PTH2R: variants seen among roughly 807,000 people sequenced by gnomAD.
The protein encoded by PTH2R is PTH2 receptor.
In PTH2R, 59 loss-of-function variants were observed where a neutral mutation model predicts 60.3. The observed-to-expected ratio is 0.98, with a 90% CI of 0.79 to 1.22. The LOEUF is 1.22. Among genes scored for constraint, PTH2R ranks in the 50% most tolerant of loss-of-function variants. The probability of loss-of-function intolerance (pLI) is 0.00; values close to 1 mark genes in which losing one functional copy is unlikely to be tolerated. For missense variants in PTH2R, 749 were observed against 682.6 expected (o/e 1.10, Z -1.08); for synonymous variants, 256 against 243.8 (o/e 1.05, Z -0.47).
chr2:208,371,575 T>C (rs1228589655), intron 1 of PTH2R, among the ~76,000 whole-genome samples: 1 of 152,140 alleles, frequency 6.6e-6, no homozygotes, highest in African/African-American at 2.4e-5. Flanking sequence ...AGATCTAAGT[T>C]GACAGATGAA....
chr2:208,426,069 G>A (rs1039065445), intron 1 of PTH2R, among the ~76,000 whole-genome samples: 2 of 152,084 alleles, frequency 1.3e-5, no homozygotes, highest in Non-Finnish European at 2.9e-5. Context: ...GCTAACTTAT[G>A]GATTTATGGT....
At chr2:208,384,050 A>G (rs556383209) in intron 1 of PTH2R, among the ~76,000 whole-genome samples, 1 of 152,358 alleles carries the variant, frequency 6.6e-6, no homozygotes, top group Admixed American at 6.5e-5. Context: ...CCTAATATTT[A>G]ACTTGGAAGA....
chr2:208,466,680 T>C (rs1702760628), intron 9 of PTH2R: 1 of 152,230 alleles, frequency 6.6e-6, no homozygotes, highest in Non-Finnish European at 1.5e-5. Context: ...GAAACGTCTA[T>C]TCAGCTCCTT....
At chr2:208,449,911 A>G (rs780595378) in intron 7 of PTH2R, among the ~76,000 whole-genome samples, 55 of 152,146 alleles carry the variant, frequency 3.6e-4, no homozygotes, top group Non-Finnish European at 7.2e-4. Context: ...TGGTTTCTGT[A>G]TATCCTTTAT....
intron 1 of PTH2R, among the ~76,000 whole-genome samples, chr2:208,373,757 T>G (rs1454458705): frequency 6.6e-6 from 1 of 152,116 alleles, no homozygotes; most frequent in Non-Finnish European, 1.5e-5. Context: ...CTAAGGGAGC[T>G]CAATCCCAAA....
intron 1 of PTH2R, among the ~76,000 whole-genome samples, chr2:208,410,906 T>G (rs560448169): frequency 6.6e-6 from 1 of 152,198 alleles, no homozygotes; most frequent in African/African-American, 2.4e-5. Context: ...AATTACAAAT[T>G]GTGGTGATAA....
Position 208,442,431 on chromosome 2 carries a change from CT to C in PTH2R, c.480del (p.Val161TrpfsTer29). 1 of 1,612,478 alleles carries C rather than the reference CT, an allele frequency of 6.2e-7. No homozygotes were observed. Among genetic ancestry groups the C allele is most frequent in the Non-Finnish European group, 8.5e-7 (1 of 1,178,552 alleles). On this transcript the variant is annotated frameshift_variant, in exon 5 of 13. Transcript: ENST00000272847. LOFTEE classifies it high-confidence loss of function. ...VGYSISFGSL[A>X]VAILIIGYFR... ...TACTCCATCTCTTTTGGTTCCTTGG[CT>C]GTGGCTATTCTCATCATTGGTTACT...
chr2:208,370,258 A>C (rs977089226), intron 1 of PTH2R, among the ~76,000 whole-genome samples: 1 of 151,994 alleles, frequency 6.6e-6, no homozygotes, highest in East Asian at 1.9e-4. Flanking sequence ...CCTAGCTAAC[A>C]TGGTGAAACC....
intron 2 of PTH2R, among the ~76,000 whole-genome samples, chr2:208,436,578 G>C (rs1009498022): frequency 2.0e-5 from 3 of 152,106 alleles, no homozygotes; most frequent in Non-Finnish European, 4.4e-5. Flanking sequence ...GGTGCCCCAC[G>C]GTTCGGGAAA....
At chr2:208,482,664 A>G (rs1355580103) in intron 10 of PTH2R, among the ~76,000 whole-genome samples, 1 of 152,212 alleles carries the variant, frequency 6.6e-6, no homozygotes, top group African/African-American at 2.4e-5. Context: ...CAAACAATCC[A>G]CAGAAAGAGG....
chr2:208,365,962 T>TATA (rs1559198853), intron 1 of PTH2R, among the ~76,000 whole-genome samples: 10 of 12,500 alleles, frequency 8.0e-4, no homozygotes, highest in Non-Finnish European at 1.2e-3. Flanking sequence ...ATATATATAT[T>TATA]TTTTTTTTTT....
intron 9 of PTH2R, among the ~76,000 whole-genome samples, chr2:208,468,845 C>T (rs1407954546): frequency 1.3e-5 from 2 of 152,024 alleles, no homozygotes; most frequent in Non-Finnish European, 2.9e-5. Context: ...TTTTTCTAAA[C>T]TTATGATACC....
chr2:208,488,439 T>C (rs1703322540), intron 10 of PTH2R, among the ~76,000 whole-genome samples: 1 of 152,244 alleles, frequency 6.6e-6, no homozygotes, highest in South Asian at 2.1e-4. Context: ...AACACTTCTT[T>C]AAGTCTCAAA....
chr2:208,419,517 G>C (rs1005288813), intron 1 of PTH2R, among the ~76,000 whole-genome samples: 2 of 152,150 alleles, frequency 1.3e-5, no homozygotes, highest in African/African-American at 2.4e-5. Flanking sequence ...TGCAGAAGCT[G>C]TTTAGTTTAA....
intron 4 of PTH2R, among the ~76,000 whole-genome samples, chr2:208,441,245 C>T (rs1403128964): frequency 1.3e-5 from 2 of 152,080 alleles, no homozygotes; most frequent in Non-Finnish European, 2.9e-5. Flanking sequence ...TTAAAGGATA[C>T]AAATAAACAG....
chr2:208,415,098 C>T (rs145383821), intron 1 of PTH2R, among the ~76,000 whole-genome samples: 53 of 152,200 alleles, frequency 3.5e-4, no homozygotes, highest in African/African-American at 1.2e-3. Context: ...CTAAGAAAAT[C>T]TGAATAAAGT....
intron 1 of PTH2R, among the ~76,000 whole-genome samples, chr2:208,375,524 G>C (rs1299571460): frequency 6.6e-6 from 1 of 152,088 alleles, no homozygotes; most frequent in African/African-American, 2.4e-5. Context: ...AGTTGAACTA[G>C]AGGCAAGGCA....
chr2:208,479,256 A>G (rs1703091324), intron 9 of PTH2R, among the ~76,000 whole-genome samples: 1 of 152,110 alleles, frequency 6.6e-6, no homozygotes, highest in Non-Finnish European at 1.5e-5. Flanking sequence ...TATTTAGTGT[A>G]GTCTACTAAA....
intron 1 of PTH2R, among the ~76,000 whole-genome samples, chr2:208,421,871 C>G (rs951653086): frequency 1.3e-5 from 2 of 152,156 alleles, no homozygotes; most frequent in Non-Finnish European, 2.9e-5. Context: ...TTCTTATAGA[C>G]CAGCTCAGTT....
Sources: allele counts gnomAD v4.1 joint callset (sites outside exome capture counted in the v4.1 genomes callset), GRCh38; gene constraint gnomAD v4.1.1; transcripts MANE v1.5; gene names NCBI Gene and HGNC (gene_info 2026-07-23, HGNC 2026-07-21).